Variants in PCDHA2 observed in about 807,000 individuals in gnomAD.
PCDHA2 encodes protocadherin alpha-2.
Under a neutral mutation model 66.0 loss-of-function variants are expected in PCDHA2, and 58 were observed. The observed-to-expected ratio is 0.88, with a 90% confidence interval of 0.71 to 1.09. The LOEUF is 1.09. PCDHA2 is among the 50% of genes least tolerant of loss of function. The pLI, the probability that PCDHA2 is intolerant of heterozygous loss-of-function variation, is 0.00. For missense variants in PCDHA2, 1,267 were observed against 1,242.3 expected (o/e 1.02, Z -0.30); for synonymous variants, 634 against 554.0 (o/e 1.14, Z -2.03).
rs375103611 is a variant in PCDHA2 at position 140,888,367 on chromosome 5, A to G, written c.2389-90582A>G. ...AGGGAATTGCTACTGGCATCTAATAATGGAGCTCTGAGATGCTGCTAAACA... is the reference window on the plus strand; with the variant it reads ...AGGGAATTGCTACTGGCATCTAATAGTGGAGCTCTGAGATGCTGCTAAACA... On this transcript the variant is annotated intron_variant, in intron 1 of 3. Coordinates refer to ENST00000526136, the MANE Select transcript of PCDHA2 (RefSeq NM_018905.3). 3.2e-4 allele frequency among the ~76,000 whole-genome samples: 49 copies of G among 152,322 alleles called. 1 individual carries two copies. In the East Asian group the frequency reaches 7.7e-3, roughly 24 times the overall value.
At chr5:140,823,054 C>A (rs2150121717) in intron 1 of PCDHA2, 2 of 1,614,154 alleles carry the variant, frequency 1.2e-6, no homozygotes, top group East Asian at 2.2e-5. Context: ...GGTGACCGCG[C>A]GGGACGGGGG....
In PCDHA2 at chr5:140,796,967, CGTT is replaced by C. The variant is rs1562164352; in HGVS notation, c.2005_2007del (p.Leu669del). ...ACAGCCACGGCCACCGTGTTAGTGT[CGTT>C]GGTGGAAAGTGGCCAGGCACCCAAG... On this transcript the variant is annotated inframe_deletion, in exon 1 of 4. Coordinates refer to ENST00000526136, the MANE Select transcript of PCDHA2 (RefSeq NM_018905.3). 5.6e-6 allele frequency: 9 copies of C among 1,613,788 alleles called. No individual in the cohort carries two copies. The highest frequency in any genetic ancestry group is 7.6e-6 in the Non-Finnish European group (9 of 1,179,962).
chr5:140,986,638 G>A (rs185773882), intron 3 of PCDHA2, among the ~76,000 whole-genome samples: 18 of 152,282 alleles, frequency 1.2e-4, no homozygotes, highest in Non-Finnish European at 2.6e-4. Flanking sequence ...CAGTACATTA[G>A]TTTTAGAGTG....
intron 3 of PCDHA2, among the ~76,000 whole-genome samples, chr5:140,989,274 G>A (rs3756325): frequency 0.3 from 45,270 of 152,016 alleles, 6,976 homozygotes; most frequent in East Asian, 0.43. Flanking sequence ...GTTTCTGCTG[G>A]GGACATCTCA....
intron 1 of PCDHA2, among the ~76,000 whole-genome samples, chr5:140,941,439 G>A (rs187782763): frequency 1.3e-5 from 2 of 149,420 alleles, no homozygotes; most frequent in East Asian, 2.0e-4. Context: ...CCTCAGCCTC[G>A]GGAGTAGCTG....
At position 140,960,518 on chromosome 5, in the gene PCDHA2, G is replaced by A. The variant is rs555475003; in HGVS notation, c.2389-18431G>A. Among the ~76,000 whole-genome samples the A allele has an allele frequency of 2.6e-5, 4 of 152,176 alleles. No homozygotes were observed. The East Asian group carries it at 7.7e-4, about 29-fold the overall frequency. ...TTTGTTCCAAGCAGCAAACATAATG[G>A]GTATAGGAAAGAGAAACTGTGGCCT... On this transcript the variant is annotated intron_variant, in intron 1 of 3. Coordinates refer to ENST00000526136, the MANE Select transcript of PCDHA2 (RefSeq NM_018905.3).
chr5:140,972,244 A>G (rs2096526797), intron 1 of PCDHA2, among the ~76,000 whole-genome samples: 1 of 151,646 alleles, frequency 6.6e-6, no homozygotes, highest in African/African-American at 2.4e-5. Context: ...GGCTCAAGCA[A>G]TCCTCACACA....
At chr5:140,892,350 T>C (rs1195187313) in intron 1 of PCDHA2, among the ~76,000 whole-genome samples, 1 of 152,262 alleles carries the variant, frequency 6.6e-6, no homozygotes, top group Non-Finnish European at 1.5e-5. Context: ...AATTGACTTT[T>C]GCCAGGCATC....
intron 1 of PCDHA2, chr5:140,871,198 C>A: frequency 6.2e-7 from 1 of 1,613,730 alleles, no homozygotes; most frequent in Non-Finnish European, 8.5e-7. Flanking sequence ...CAACGTGTAC[C>A]TGATCATCGC....
chr5:140,854,975 ATT>A (rs1554147536), intron 1 of PCDHA2, among the ~76,000 whole-genome samples: 1 of 149,964 alleles, frequency 6.7e-6, no homozygotes, highest in Non-Finnish European at 1.5e-5. Context: ...CAGAATTATA[ATT>A]AAGATTCTTT....
chr5:140,823,969 A>C (rs1767949637), intron 1 of PCDHA2: 1 of 1,613,902 alleles, frequency 6.2e-7, no homozygotes, highest in Non-Finnish European at 8.5e-7. Flanking sequence ...GGCCGTGTGC[A>C]CACGGGGCAA....
chr5:140,808,716 T>A, intron 1 of PCDHA2: 1 of 1,611,966 alleles, frequency 6.2e-7, no homozygotes, highest in East Asian at 2.2e-5. Flanking sequence ...TACGTTTCGG[T>A]GCATGCGGAG....
At chr5:140,918,640 G>C (rs2078789038) in intron 1 of PCDHA2, among the ~76,000 whole-genome samples, 1 of 152,132 alleles carries the variant, frequency 6.6e-6, no homozygotes, top group Admixed American at 6.5e-5. Flanking sequence ...TTCATAAATT[G>C]AAACCTAATT....
intron 1 of PCDHA2, chr5:140,809,996 C>T (rs941295479): frequency 6.4e-6 from 1 of 156,344 alleles, no homozygotes; most frequent in Non-Finnish European, 1.4e-5. Context: ...TGCCAAATCA[C>T]TTCCCTTATT....
In PCDHA2 at chr5:140,877,646, C is replaced by T. The variant is rs782472866; in HGVS notation, c.2388+80294C>T. 7 of 1,613,560 alleles carry T rather than the reference C, an allele frequency of 4.3e-6. No individual in the cohort carries two copies. The Admixed American group carries it at 6.7e-5, about 15-fold the overall frequency. On this transcript the variant is annotated intron_variant, in intron 1 of 3. Coordinates refer to ENST00000526136, the MANE Select transcript of PCDHA2 (RefSeq NM_018905.3). ...CTGTACACTGCGCTGCGTTGCTCAG[C>T]GCCGCCCACCGTGAGCCGGTGCGCG...
intron 1 of PCDHA2, among the ~76,000 whole-genome samples, chr5:140,962,850 G>T (rs2095713419): frequency 6.6e-6 from 1 of 152,104 alleles, no homozygotes; most frequent in African/African-American, 2.4e-5. Flanking sequence ...TATAACTTGT[G>T]CTCGGTTTGT....
intron 1 of PCDHA2, chr5:140,808,454 C>A (rs782570113): frequency 1.2e-6 from 2 of 1,614,202 alleles, no homozygotes; most frequent in Non-Finnish European, 1.7e-6. Context: ...AGCCTATGAG[C>A]TGGTGGTGAC....
intron 1 of PCDHA2, among the ~76,000 whole-genome samples, chr5:140,910,796 C>T (rs2075173732): frequency 6.6e-6 from 1 of 152,112 alleles, no homozygotes; most frequent in South Asian, 2.1e-4. Flanking sequence ...ATGCAGAATC[C>T]CTGCTTAGTG....
chr5:140,852,133 A>G, intron 1 of PCDHA2: 1 of 888,968 alleles, frequency 1.1e-6, no homozygotes, highest in Non-Finnish European at 1.4e-6. Context: ...AAAACTCAGT[A>G]GAGAAAGATC....
Sources: allele counts gnomAD v4.1 joint callset (sites outside exome capture counted in the v4.1 genomes callset), GRCh38; gene constraint gnomAD v4.1.1; transcripts MANE v1.5; gene names NCBI Gene and HGNC (gene_info 2026-07-23, HGNC 2026-07-21).